FAM83G: variants seen among roughly 807,000 people sequenced by gnomAD.
FAM83G encodes protein FAM83G.
A neutral mutation model predicts 61.5 loss-of-function variants in FAM83G; 38 were observed. That is an observed-to-expected ratio of 0.62 (90% CI 0.48 to 0.81). The LOEUF is 0.81. FAM83G is among the 30% of genes least tolerant of loss of function. FAM83G has a pLI of 0.00. For synonymous variants in FAM83G, 470 were observed against 476.1 expected (o/e 0.99, Z 0.17); for missense variants, 989 against 1,133.6 (o/e 0.87, Z 1.83).
intron 3 of FAM83G, among the ~76,000 whole-genome samples, chr17:18,985,795 C>G (rs2043255141): frequency 6.6e-6 from 1 of 152,200 alleles, no homozygotes; most frequent in Non-Finnish European, 1.5e-5. Context: ...CTGAGCAGGG[C>G]AGGCGGGGCC....
In FAM83G at chr17:19,000,694, C is replaced by A; in HGVS notation, c.522+2826G>T. ...GGGAAGGGGCCAGTGTGCGGCAAGGCGGCCCAGGCAGAGGGATCCCCATCC... is the reference window on the plus strand; with the variant it reads ...GGGAAGGGGCCAGTGTGCGGCAAGGAGGCCCAGGCAGAGGGATCCCCATCC... On this transcript the variant is annotated intron_variant, in intron 2 of 5. Transcript: ENST00000388995. This position sits in a 1 kb window ranked among gnomAD's most constrained non-coding sequence, Gnocchi z 5.2. 6.6e-6 allele frequency among the ~76,000 whole-genome samples: 1 copy of A among 152,260 alleles called. No individual in the cohort carries two copies. Among genetic ancestry groups the A allele is most frequent in the Non-Finnish European group, 1.5e-5 (1 of 68,000 alleles).
chr17:18,982,888 T>A (rs1379032073), intron 3 of FAM83G, among the ~76,000 whole-genome samples: 2 of 152,222 alleles, frequency 1.3e-5, no homozygotes, highest in Non-Finnish European at 2.9e-5. Context: ...GCCTCAGTTT[T>A]CTCATCTATG....
rs1382623752 is a variant in FAM83G, at chr17:19,004,250, C to T, written c.-128-81G>A. The T allele has an allele frequency of 3.8e-6, 2 of 530,682 alleles. No homozygotes were observed. The highest frequency in any genetic ancestry group is 6.6e-6 in the Non-Finnish European group (2 of 303,476). The allele number at this position is 530,682 out of a possible 1,614,324, so 32.9% of individuals were successfully genotyped here. A position where few individuals can be genotyped will look rare whatever the true frequency, so the allele number is the denominator to read the frequency against. ...GGGGCGGCGGGGGCGGGGCCGGGAA[C>T]TCAGGTGGGCGTGGGAAGGACGGGG... On this transcript the variant is annotated intron_variant, in intron 1 of 5. Transcript: ENST00000388995. This position sits in a 1 kb window ranked among gnomAD's most constrained non-coding sequence, Gnocchi z 5.4.
At chr17:18,976,990 G>A (rs772632240) in intron 5 of FAM83G, 7 of 1,611,822 alleles carry the variant, frequency 4.3e-6, no homozygotes, top group Non-Finnish European at 3.4e-6. Context: ...TTGTTCCCAG[G>A]TAGGACGGGC....
In FAM83G at chr17:19,004,597, C is replaced by T. The variant is rs1163376863; in HGVS notation, c.-129+112G>A. ...GGTGCCGGCAACCCAGGAGGCCTGC[C>T]CGGAGGAGGCTGGGGCTCTGGGAGG... On this transcript the variant is annotated intron_variant, in intron 1 of 5. Coordinates refer to ENST00000388995, the MANE Select transcript of FAM83G (RefSeq NM_001039999.3). This position sits in a 1 kb window ranked among gnomAD's most constrained non-coding sequence, Gnocchi z 5.4. 3 of 151,982 alleles carry T rather than the reference C, an allele frequency of 2.0e-5. No homozygotes were observed. The highest frequency in any genetic ancestry group is 4.4e-5 in the Non-Finnish European group (3 of 67,912). 9.4% of individuals were successfully genotyped at this position (151,982 alleles called of 1,614,324 possible).
Position 18,977,911 on chromosome 17 carries a change from G to T in FAM83G, c.1755C>A (p.Asp585Glu). ...CCTGGTCACTGAGGGTTACGTAGTC[G>T]TCATCATCTTCTTCTTCCACCCCAT... ...GLDGVEEEDD[D>E]DYVTLSDQDS... is the part of the protein sequence containing the mutation. Residue 585 changes from aspartate to glutamate, a missense_variant, in exon 5 of 6, where the codon GAC becomes GAA. By Grantham distance (45) the Asp-to-Glu change is conservative. Around this residue, in one of 3 missense-constraint regions of FAM83G, gnomAD observed 574 missense variants for 645.1 expected, o/e 0.89. Coordinates refer to ENST00000388995, the MANE Select transcript of FAM83G (RefSeq NM_001039999.3). The T allele has an allele frequency of 1.2e-6, 2 of 1,610,222 alleles. No individual in the cohort carries two copies. Among genetic ancestry groups the T allele is most frequent in the Admixed American group, 3.3e-5 (2 of 59,956 alleles).
In FAM83G at chr17:18,970,942, G is replaced by C; in HGVS notation, c.*417C>G. ...TCAGGAAGTTTCTTGTGAGATGAAG[G>C]CAGGGGGGAGCCCAGGGAGTCAGGG... On this transcript the variant is annotated 3_prime_UTR_variant, in exon 6 of 6. Coordinates refer to ENST00000388995, the MANE Select transcript of FAM83G (RefSeq NM_001039999.3). The C allele has an allele frequency of 1.4e-6, 2 of 1,452,982 alleles. No homozygotes were observed. Among genetic ancestry groups the C allele is most frequent in the South Asian group, 2.3e-5 (2 of 86,826 alleles). 90.0% of individuals were successfully genotyped at this position (1,452,982 alleles called of 1,614,324 possible).
chr17:18,985,353 G>A (rs975976463), intron 3 of FAM83G, among the ~76,000 whole-genome samples: 1 of 152,194 alleles, frequency 6.6e-6, no homozygotes, highest in African/African-American at 2.4e-5. Context: ...CACAGCTGGG[G>A]CTCAGGACTG....
chr17:18,970,650 T>C lies in FAM83G; in HGVS notation c.*709A>G, dbSNP rs1391331312. On this transcript the variant is annotated 3_prime_UTR_variant, in exon 6 of 6. Transcript: ENST00000388995. The stretch of plus-strand genomic sequence containing the variant: ...GAAGGTCCTCAAATGTCAAGAAAAA[T>C]TACTTTTGCTTCCTTGAATCGACAA... The C allele has an allele frequency of 7.0e-6, 2 of 284,820 alleles. No homozygotes were observed. Among genetic ancestry groups the C allele is most frequent in the African/African-American group, 2.2e-5 (1 of 46,150 alleles). 17.6% of individuals were successfully genotyped at this position (284,820 alleles called of 1,614,324 possible).
In FAM83G at chr17:18,978,272, C is replaced by T; in HGVS notation, c.1394G>A (p.Ser465Asn). 1 of 1,609,572 alleles carries T rather than the reference C, an allele frequency of 6.2e-7. No homozygotes were observed. The highest frequency in any genetic ancestry group is 8.5e-7 in the Non-Finnish European group (1 of 1,177,678). Residue 465 changes from serine (S) to asparagine (N), a missense_variant, in exon 5 of 6, where the codon AGC becomes AAC. Coordinates refer to ENST00000388995, the MANE Select transcript of FAM83G (RefSeq NM_001039999.3). ...CTCTGGACGGGGCCTGCTGTCCTGGCTCTGCTTCCACAGCTGGTGCTGGGC... is the reference window on the plus strand; with the variant it reads ...CTCTGGACGGGGCCTGCTGTCCTGGTTCTGCTTCCACAGCTGGTGCTGGGC... ...ASAQHQLWKQ[S>N]QDSRPRPEPC...
At position 18,988,298 on chromosome 17, in the gene FAM83G, C is replaced by G. The variant is rs753831362; in HGVS notation, c.639G>C (p.Lys213Asn). The change falls in exon 3 of 6, where the codon AAG becomes AAC. Residue 213 changes from lysine (K) to asparagine (N), a missense_variant. Lys to Asn is a moderately conservative substitution (Grantham distance 94). Coordinates refer to ENST00000388995, the MANE Select transcript of FAM83G (RefSeq NM_001039999.3). Reference protein sequence around the residue: ...VYIIVDESNVKYFLHMCERAC... With the variant: ...VYIIVDESNVNYFLHMCERAC... ...CCCGCTCACACATGTGCAGGAAGTACTTGACGTTACTCTCATCCACGATGA... is the reference window on the plus strand; with the variant it reads ...CCCGCTCACACATGTGCAGGAAGTAGTTGACGTTACTCTCATCCACGATGA... 6.2e-7 allele frequency: 1 copy of G among 1,614,162 alleles called. No individual in the cohort carries two copies. The highest frequency in any genetic ancestry group is 1.1e-5 in the South Asian group (1 of 91,084).
chr17:18,988,542 G>C, intron 2 of FAM83G, 128 bp from the exon 3 acceptor site: 1 of 1,463,174 alleles, frequency 6.8e-7, no homozygotes, highest in Non-Finnish European at 9.2e-7. Context: ...CCTACTCCTG[G>C]AGCCTCAGGC....
At chr17:18,979,725 A>C in intron 3 of FAM83G, 52 bp from the exon 4 acceptor site, 2 of 1,605,390 alleles carry the variant, frequency 1.2e-6, no homozygotes, top group Non-Finnish European at 1.7e-6. Flanking sequence ...CTGACCACAC[A>C]GGGCGAGGGG....
chr17:18,972,792 G>A (rs2042886319), intron 5 of FAM83G, among the ~76,000 whole-genome samples: 1 of 152,116 alleles, frequency 6.6e-6, no homozygotes, highest in South Asian at 2.1e-4. Context: ...AGCCCAGGAG[G>A]TGGAGTTGAC....
intron 5 of FAM83G, among the ~76,000 whole-genome samples, chr17:18,972,090 G>T (rs1289744596): frequency 1.3e-5 from 2 of 152,142 alleles, no homozygotes; most frequent in Non-Finnish European, 2.9e-5. Context: ...GAGTGCAGGG[G>T]GTGACTCTGG....
At position 19,004,196 on chromosome 17, in the gene FAM83G, C is replaced by T. The variant is rs577284290; in HGVS notation, c.-128-27G>A. On this transcript the variant is annotated intron_variant, in intron 1 of 5. Transcript: ENST00000388995. The surrounding 1 kb of genome is among the most constrained non-coding windows in gnomAD (Gnocchi z 5.4). ...TGCGGGAAAGACCTGATGAGCCCGG[C>T]TCGGCGGGGAGGGCGGGCCGCGCGG... The T allele has an allele frequency of 6.4e-5, 33 of 518,710 alleles. No homozygotes were observed. The African/African-American group carries it at 6.5e-4, about 10-fold the overall frequency. 32.1% of individuals were successfully genotyped at this position (518,710 alleles called of 1,614,324 possible). A position where few individuals can be genotyped will look rare whatever the true frequency, so the allele number is the denominator to read the frequency against.
chr17:18,979,882 G>A (rs2043085463), intron 3 of FAM83G, among the ~76,000 whole-genome samples: 1 of 152,188 alleles, frequency 6.6e-6, no homozygotes, highest in East Asian at 1.9e-4. Context: ...TGAAGCTACA[G>A]AGCGGGCAGG....
rs73981265 is a variant in FAM83G at position 18,976,605 on chromosome 17, T to C, written c.2082+979A>G. On this transcript the variant is annotated intron_variant, in intron 5 of 5. Transcript: ENST00000388995. ...CTGGGCAGGATCCACACCTCCCCTA[T>C]TGACAGGTCAGGGGACTGAGTCCCT... The C allele has an allele frequency of 3.3e-3, 1,676 of 502,472 alleles. 18 individuals are homozygous for C. Among genetic ancestry groups the C allele is most frequent in the African/African-American group, 0.03 (1,547 of 51,808 alleles). 31.1% of individuals were successfully genotyped at this position (502,472 alleles called of 1,614,324 possible).
chr17:18,979,134 G>A (rs79150252), intron 4 of FAM83G: 16 of 521,774 alleles, frequency 3.1e-5, no homozygotes, highest in African/African-American at 7.6e-5. Context: ...CCTGGACACT[G>A]TGGGGGGTTC....
Sources: allele counts gnomAD v4.1 joint callset (sites outside exome capture counted in the v4.1 genomes callset), GRCh38; gene constraint gnomAD v4.1.1; regional missense constraint gnomAD v4.1.1; non-coding constraint Gnocchi (gnomAD v3.1); transcripts MANE v1.5; gene names NCBI Gene and HGNC (gene_info 2026-07-23, HGNC 2026-07-21).